The following CNGB3 variants were observed in gnomAD, a reference collection of about 807,000 sequenced individuals.
CNGB3 encodes the protein cyclic nucleotide gated channel subunit beta 3, also known as cyclic nucleotide-gated channel beta-3.
A neutral mutation model predicts 92.8 loss-of-function variants in CNGB3; 86 were observed. The ratio of observed to expected loss-of-function variants is 0.93; its 90% CI spans 0.78 to 1.11. The LOEUF (loss-of-function observed/expected upper bound fraction) is 1.11. Ranked by LOEUF, CNGB3 falls within the 50% of genes least tolerant of loss-of-function variation. The probability of loss-of-function intolerance (pLI) is 0.00; values close to 1 mark genes in which losing one functional copy is unlikely to be tolerated. For synonymous variants in CNGB3, 333 were observed against 332.7 expected, an observed-to-expected ratio of 1.00 and a Z score of -0.01; for missense variants, 1,026 against 956.8, an observed-to-expected ratio of 1.07 and a Z score of -0.95.
chr8:86,576,261 A>G, intron 17 of CNGB3, 131 bp from the exon 18 acceptor site: 1 of 995,514 alleles, frequency 1.0e-6, no homozygotes, highest in South Asian at 1.5e-5. Context: ...TCCAGGAATC[A>G]TGTCTGCTTT....
At position 86,598,583 on chromosome 8, in the gene CNGB3, T is replaced by C. The variant is rs539843700; in HGVS notation, c.1781+5510A>G. ...AGTTCTGGAGGCCAGAAGTCCAAAA[T>C]CAAAATATCAGCAGGGCTGTGTTTC... On this transcript the variant is annotated intron_variant, in intron 15 of 17. Coordinates refer to ENST00000320005, the MANE Select transcript of CNGB3 (RefSeq NM_019098.5). Among the ~76,000 whole-genome samples the C allele has an allele frequency of 7.9e-5, 12 of 152,226 alleles. No individual in the cohort carries two copies. The South Asian group carries it at 2.1e-3, about 26-fold the overall frequency.
chr8:86,638,125 A>T (rs934619329), intron 10 of CNGB3, among the ~76,000 whole-genome samples: 1 of 152,064 alleles, frequency 6.6e-6, no homozygotes, highest in Non-Finnish European at 1.5e-5. Context: ...TCACCTATGG[A>T]TGAATACCTA....
chr8:86,659,255 C>G (rs958300858), intron 6 of CNGB3: 2 of 775,946 alleles, frequency 2.6e-6, no homozygotes, highest in Non-Finnish European at 4.7e-6. Context: ...ATTGGTCTTT[C>G]TCCATCTGTA....
In CNGB3 at chr8:86,598,050, G is replaced by A. The variant is rs116927474; in HGVS notation, c.1781+6043C>T. Among the ~76,000 whole-genome samples, 612 of 152,300 alleles carry A rather than the reference G, an allele frequency of 4.0e-3. 5 individuals are homozygous for A. The highest frequency in any genetic ancestry group is 6.2e-3 in the Non-Finnish European group (421 of 68,026). ...ATAAAGAGAGCAAGGCGAGTCAGGTGCAACCTGAAGTAGAGAGGTAGGCAG... is the reference window on the plus strand; with the variant it reads ...ATAAAGAGAGCAAGGCGAGTCAGGTACAACCTGAAGTAGAGAGGTAGGCAG... On this transcript the variant is annotated intron_variant, in intron 15 of 17. Transcript: ENST00000320005.
intron 15 of CNGB3, among the ~76,000 whole-genome samples, chr8:86,595,932 G>A (rs1822163456): frequency 6.6e-6 from 1 of 152,100 alleles, no homozygotes; most frequent in African/African-American, 2.4e-5. Context: ...TAGGTGATTT[G>A]ACTAATGTAA....
chr8:86,581,731 C>A (rs1316941303), intron 15 of CNGB3, among the ~76,000 whole-genome samples: 1 of 149,464 alleles, frequency 6.7e-6, no homozygotes, highest in African/African-American at 2.5e-5. Flanking sequence ...CTTCTCCATA[C>A]CTTACCCCCC....
intron 3 of CNGB3, 152 bp from the exon 4 acceptor site, chr8:86,671,250 G>A (rs1586006991): frequency 8.4e-6 from 7 of 832,004 alleles, no homozygotes; most frequent in South Asian, 1.4e-5. Context: ...TAGGTTTAAT[G>A]GAAATAGTGC....
chr8:86,707,302 A>G (rs1027941720), intron 3 of CNGB3, among the ~76,000 whole-genome samples: 5 of 152,230 alleles, frequency 3.3e-5, no homozygotes, highest in Non-Finnish European at 5.9e-5. Context: ...GATAATATAA[A>G]CTTAAAAAAT....
intron 12 of CNGB3, among the ~76,000 whole-genome samples, chr8:86,626,971 A>T (rs1244921113): frequency 6.6e-6 from 1 of 151,842 alleles, no homozygotes; most frequent in African/African-American, 2.4e-5. Flanking sequence ...TTTAGTACCT[A>T]TTCATCGTTT....
At chr8:86,685,341 C>T (rs997756955) in intron 3 of CNGB3, among the ~76,000 whole-genome samples, 1 of 152,070 alleles carries the variant, frequency 6.6e-6, no homozygotes, top group East Asian at 1.9e-4. Context: ...ATCCCCTGAG[C>T]ACTTGTCTGG....
chr8:86,708,753 T>G (rs1824696816), intron 3 of CNGB3, among the ~76,000 whole-genome samples: 1 of 151,806 alleles, frequency 6.6e-6, no homozygotes, highest in Admixed American at 6.6e-5. Flanking sequence ...TTTATTTTTG[T>G]AAAGATGGGG....
At chr8:86,651,298 G>T (rs971937294) in intron 7 of CNGB3, among the ~76,000 whole-genome samples, 1 of 151,784 alleles carries the variant, frequency 6.6e-6, no homozygotes, top group African/African-American at 2.4e-5. Flanking sequence ...TACCCCAAAA[G>T]CATAGAGTTG....
At chr8:86,616,972 T>A (rs186889634) in intron 13 of CNGB3, among the ~76,000 whole-genome samples, 1 of 152,314 alleles carries the variant, frequency 6.6e-6, no homozygotes, top group African/African-American at 2.4e-5. Context: ...GTTTAGGGCA[T>A]GTTGGATGGT....
chr8:86,642,600 A>G (rs1823212987), intron 10 of CNGB3, among the ~76,000 whole-genome samples: 1 of 151,646 alleles, frequency 6.6e-6, no homozygotes, highest in South Asian at 2.1e-4. Flanking sequence ...GTTGCCCTTC[A>G]AAGTAATGCT....
rs937010117 is a variant in CNGB3 at position 86,722,854 on chromosome 8, G to A, written c.338+3677C>T. ...GGAACTTATAACATTGGCTCTTCTGGTTCTCAGGCTTTCAGACGTGTACTG... is the reference window on the plus strand; with the variant it reads ...GGAACTTATAACATTGGCTCTTCTGATTCTCAGGCTTTCAGACGTGTACTG... On this transcript the variant is annotated intron_variant, in intron 3 of 17. Transcript: ENST00000320005. 3.3e-5 allele frequency among the ~76,000 whole-genome samples: 5 copies of A among 152,236 alleles called. No individual in the cohort carries two copies. In the South Asian group the frequency reaches 1.0e-3, roughly 31 times the overall value.
chr8:86,632,645 A>G, intron 11 of CNGB3, 107 bp downstream of exon 11: 1 of 1,210,250 alleles, frequency 8.3e-7, no homozygotes, highest in Non-Finnish European at 1.2e-6. Context: ...TAGTTCAAAA[A>G]AAGAAGAACC....
At chr8:86,658,472 G>C (rs1411370519) in intron 6 of CNGB3, 1 of 412,036 alleles carries the variant, frequency 2.4e-6, no homozygotes, top group Non-Finnish European at 4.6e-6. Context: ...AGGCCATCTT[G>C]GCCACGACTT....
chr8:86,619,747 T>G (rs1234133912), intron 13 of CNGB3, among the ~76,000 whole-genome samples: 41 of 147,862 alleles, frequency 2.8e-4, no homozygotes, highest in Non-Finnish European at 5.2e-4. Context: ...TTTTTTTTTT[T>G]TTTTGCGACA....
chr8:86,657,384 G>T, intron 6 of CNGB3: 1 of 461,346 alleles, frequency 2.2e-6, no homozygotes, highest in South Asian at 1.7e-5. Context: ...CCGGCTTTTA[G>T]ATGATGGTGA....
Sources: gnomAD v4.1 joint callset for allele counts (sites outside exome capture counted in the v4.1 genomes callset) on GRCh38, gnomAD v4.1.1 for gene constraint, MANE v1.5 for transcripts, NCBI Gene and HGNC (gene_info 2026-07-23, HGNC 2026-07-21) for gene names.